The following TAS2R8 variants were observed in gnomAD, a reference collection of about 807,000 sequenced individuals.
The protein encoded by TAS2R8 is taste receptor type 2 member 8.
For missense variants in TAS2R8, 396 were observed against 358.1 expected (o/e 1.11, Z -0.85); for synonymous variants, 139 against 123.9 (o/e 1.12, Z -0.81).
In TAS2R8 at chr12:10,806,154, A is replaced by C. The variant is rs765852372; in HGVS notation, c.827T>G (p.Leu276Arg). ...AVEFGEIAAI[L>R]YPLGHSLILI... ...AATAAGTGAGTGACCCAAGGGGTAGAGAATTGCTGCAATCTCTCCAAACTC... is the reference window on the plus strand; with the variant it reads ...AATAAGTGAGTGACCCAAGGGGTAGCGAATTGCTGCAATCTCTCCAAACTC... Residue 276 changes from leucine to arginine, a missense_variant, in exon 1 of 1, where the codon CTC (leucine) becomes CGC (arginine). Physicochemically the swap from Leu to Arg is moderately radical, Grantham distance 102. Coordinates refer to ENST00000240615, the MANE Select transcript of TAS2R8 (RefSeq NM_023918.3). The C allele has an allele frequency of 1.2e-6, 2 of 1,613,574 alleles. No individual in the cohort carries two copies. The highest frequency in any genetic ancestry group is 2.2e-5 in the South Asian group (2 of 91,034).
In TAS2R8 at chr12:10,806,847, T is replaced by C; in HGVS notation, c.134A>G (p.Asp45Gly). The change falls in exon 1 of 1, where the codon GAC becomes GGC. Residue 45 changes from aspartate (D) to glycine (G), a missense_variant. Physicochemically the swap from Asp to Gly is moderately conservative, Grantham distance 94. Coordinates refer to ENST00000240615, the MANE Select transcript of TAS2R8 (RefSeq NM_023918.3). Reference sequence around the variant, plus strand: ...GATAACTAAATTGGTAAGGATGTAGTCAACTGTGGAAATCTTTTTCTTCTT... The same window carrying C: ...GATAACTAAATTGGTAAGGATGTAGCCAACTGTGGAAATCTTTTTCTTCTT... ...WIKKKKISTV[D>G]YILTNLVIAR... 1 of 1,613,816 alleles carries C rather than the reference T, an allele frequency of 6.2e-7. No homozygotes were observed. Among genetic ancestry groups the C allele is most frequent in the Non-Finnish European group, 8.5e-7 (1 of 1,179,870 alleles).
Position 10,807,081 on chromosome 12 carries a change from T to A in TAS2R8, c.-101A>T. ...TAGATCAATTCTTCGAATCATGCAA[T>A]AATGTTTTCATCTGCTGTTATTTCG... On this transcript the variant is annotated 5_prime_UTR_variant, in exon 1 of 1. Transcript: ENST00000240615. 2.0e-6 allele frequency: 2 copies of A among 978,378 alleles called. No individual in the cohort carries two copies. Among genetic ancestry groups the A allele is most frequent in the Non-Finnish European group, 3.0e-6 (2 of 663,518 alleles). 60.6% of individuals were successfully genotyped at this position (978,378 alleles called of 1,614,324 possible). A position where few individuals can be genotyped will look rare whatever the true frequency, so the allele number is the denominator to read the frequency against.
rs546704239 is a variant in TAS2R8, at chr12:10,807,123, G to A, written c.-143C>T. On this transcript the variant is annotated 5_prime_UTR_variant, in exon 1 of 1. Coordinates refer to ENST00000240615, the MANE Select transcript of TAS2R8 (RefSeq NM_023918.3). ...GTTATTTCGACGTTGTTATTCTTCC[G>A]GAAGTGTTCAGCTCTCCTCTGAAAT... 2.0e-5 allele frequency: 14 copies of A among 715,672 alleles called. No homozygotes were observed. The highest frequency in any genetic ancestry group is 6.1e-5 in the Admixed American group (2 of 32,874). 44.3% of individuals were successfully genotyped at this position (715,672 alleles called of 1,614,324 possible). A position where few individuals can be genotyped will look rare whatever the true frequency, so the allele number is the denominator to read the frequency against.
rs147209838 is a variant in TAS2R8, at chr12:10,806,611, A to C, written c.370T>G (p.Trp124Gly). 2,172 of 1,613,948 alleles carry C rather than the reference A, an allele frequency of 1.3e-3. 4 individuals are homozygous for C. The highest frequency in any genetic ancestry group is 1.7e-3 in the Non-Finnish European group (2,064 of 1,179,910). Reference sequence around the variant, plus strand: ...CAGTGCACCACCATATCAATTTTCCACTTCAGCCAGAGAAAAAGTGGATGA... The same window carrying C: ...CAGTGCACCACCATATCAATTTTCCCCTTCAGCCAGAGAAAAAGTGGATGA... Reference protein sequence around the residue: ...SSHPLFLWLKWKIDMVVHWIL... With the variant: ...SSHPLFLWLKGKIDMVVHWIL... Residue 124 changes from tryptophan (W) to glycine (G), a missense_variant, in exon 1 of 1, where the codon TGG becomes GGG. By Grantham distance (184) the Trp-to-Gly change is radical. Transcript: ENST00000240615.
chr12:10,806,877 C>A lies in TAS2R8; in HGVS notation c.104G>T (p.Trp35Leu), dbSNP rs764660642. The A allele has an allele frequency of 6.2e-7, 1 of 1,613,294 alleles. No individual in the cohort carries two copies. Among genetic ancestry groups the A allele is most frequent in the Non-Finnish European group, 8.5e-7 (1 of 1,179,822 alleles). ...TGTGGAAATCTTTTTCTTCTTAATC[C>A]AGTCAATCCAGTTGACTAGTGCAAT... ...GYIALVNWID[W>L]IKKKKISTVD... Residue 35 changes from tryptophan to leucine, a missense_variant, in exon 1 of 1, where the codon TGG (tryptophan) becomes TTG (leucine). Physicochemically the swap from Trp to Leu is moderately conservative, Grantham distance 61 (BLOSUM62 -2). Coordinates refer to ENST00000240615, the MANE Select transcript of TAS2R8 (RefSeq NM_023918.3).
In TAS2R8 at chr12:10,806,189, C is replaced by T. The variant is rs1054292291; in HGVS notation, c.792G>A (p.Lys264=). 6.2e-7 allele frequency: 1 copy of T among 1,613,500 alleles called. No homozygotes were observed. Among genetic ancestry groups the T allele is most frequent in the Non-Finnish European group, 8.5e-7 (1 of 1,179,802 alleles). The change falls in exon 1 of 1, where the codon AAG becomes AAA. Residue 264 remains lysine, a synonymous_variant. Transcript: ENST00000240615. ...MTFSYLMTKY[K]LAVEFGEIAA... ...CAATCTCTCCAAACTCCACAGCTAACTTGTATTTTGTCATAAGATAGCTAA... is the reference window on the plus strand; with the variant it reads ...CAATCTCTCCAAACTCCACAGCTAATTTGTATTTTGTCATAAGATAGCTAA...
At chr12:10,806,244 AG>A in the TAS2R8 span, 3 of 1,612,532 alleles carry the variant, frequency 1.9e-6, no homozygotes, top group Non-Finnish European at 2.5e-6. Context: ...AATATAGTAT[AG>A]GAAAAAAAAG....
At position 10,806,913 on chromosome 12, in the gene TAS2R8, C is replaced by T. The variant is rs747324039; in HGVS notation, c.68G>A (p.Gly23Glu). ...GTTGACTAGTGCAATGTATCCATTC[C>T]CCAATATTCCTAGTATGAATTCTCC... Reference protein sequence around the residue: ...ITGEFILGILGNGYIALVNWI... With the variant: ...ITGEFILGILENGYIALVNWI... The change falls in exon 1 of 1, where the codon GGG (glycine) becomes GAG (glutamate). Residue 23 changes from glycine to glutamate, a missense_variant. Coordinates refer to ENST00000240615, the MANE Select transcript of TAS2R8 (RefSeq NM_023918.3). 8.1e-6 allele frequency: 13 copies of T among 1,612,508 alleles called. No homozygotes were observed. The South Asian group carries it at 1.2e-4, about 15-fold the overall frequency.
rs1189719952 is a variant in TAS2R8 at position 10,806,431 on chromosome 12, T to C, written c.550A>G (p.Thr184Ala). ...ACAATTGCAAACAGGTTAAAGAGAGTCAAGGGTTCAAAGTATGGTATTTTA... is the reference window on the plus strand; with the variant it reads ...ACAATTGCAAACAGGTTAAAGAGAGCCAAGGGTTCAAAGTATGGTATTTTA... Reference protein sequence around the residue: ...VSKIPYFEPLTLFNLFAIVPF... With the variant: ...VSKIPYFEPLALFNLFAIVPF... Residue 184 changes from threonine (T) to alanine (A), a missense_variant, in exon 1 of 1, where the codon ACT becomes GCT. By Grantham distance (58) the Thr-to-Ala change is moderately conservative (BLOSUM62 0). Transcript: ENST00000240615. 1.2e-5 allele frequency: 19 copies of C among 1,613,524 alleles called. No homozygotes were observed. The highest frequency in any genetic ancestry group is 1.6e-5 in the Non-Finnish European group (19 of 1,179,790).
At position 10,806,199 on chromosome 12, in the gene TAS2R8, G is replaced by C. The variant is rs752581088; in HGVS notation, c.782C>G (p.Thr261Arg). The change falls in exon 1 of 1, where the codon ACA becomes AGA. Residue 261 changes from threonine (T) to arginine (R), a missense_variant. Physicochemically the swap from Thr to Arg is moderately conservative, Grantham distance 71. Transcript: ENST00000240615. ...AAACTCCACAGCTAACTTGTATTTT[G>C]TCATAAGATAGCTAAAGGTCATCAA... ...SILMTFSYLM[T>R]KYKLAVEFGE... 4.3e-6 allele frequency: 7 copies of C among 1,613,486 alleles called. No individual in the cohort carries two copies. Among genetic ancestry groups the C allele is most frequent in the Non-Finnish European group, 5.9e-6 (7 of 1,179,754 alleles).
chr12:10,806,178 T>C lies in TAS2R8; in HGVS notation c.803A>G (p.Glu268Gly). The change falls in exon 1 of 1, where the codon GAG (glutamate) becomes GGG (glycine). Residue 268 changes from glutamate to glycine, a missense_variant. Coordinates refer to ENST00000240615, the MANE Select transcript of TAS2R8 (RefSeq NM_023918.3). Reference protein sequence around the residue: ...YLMTKYKLAVEFGEIAAILYP... With the variant: ...YLMTKYKLAVGFGEIAAILYP... ...GAGAATTGCTGCAATCTCTCCAAAC[T>C]CCACAGCTAACTTGTATTTTGTCAT... The C allele has an allele frequency of 6.2e-7, 1 of 1,613,466 alleles. No homozygotes were observed. Among genetic ancestry groups the C allele is most frequent in the Non-Finnish European group, 8.5e-7 (1 of 1,179,766 alleles).
rs766284025 is a variant in TAS2R8, at chr12:10,806,460, A to T, written c.521T>A (p.Val174Glu). 1.2e-6 allele frequency: 2 copies of T among 1,613,692 alleles called. No homozygotes were observed. Among genetic ancestry groups the T allele is most frequent in the East Asian group, 2.2e-5 (1 of 44,860 alleles). Residue 174 changes from valine (V) to glutamate (E), a missense_variant, in exon 1 of 1, where the codon GTG becomes GAG. By Grantham distance (121) the Val-to-Glu change is moderately radical. Transcript: ENST00000240615. Reference protein sequence around the residue: ...HKRNITEMFHVSKIPYFEPLT... With the variant: ...HKRNITEMFHESKIPYFEPLT... ...GGGTTCAAAGTATGGTATTTTACTC[A>T]CATGGAACATTTCAGTAATGTTTCT... is the stretch of plus-strand genomic sequence containing the variant.
In TAS2R8 at chr12:10,806,532, A is replaced by G. The variant is rs1313909549; in HGVS notation, c.449T>C (p.Ile150Thr). 2 of 1,613,892 alleles carry G rather than the reference A, an allele frequency of 1.2e-6. No individual in the cohort carries two copies. Among genetic ancestry groups the G allele is most frequent in the Admixed American group, 1.7e-5 (1 of 59,934 alleles). Reference protein sequence around the residue: ...ISLLVSLIAAIVLSCDYRFHA... With the variant: ...ISLLVSLIAATVLSCDYRFHA... ...AAACCTATAATCACAACTCAGTACTATTGCTGCTATAAGGCTGACCAACAA... is the reference window on the plus strand; with the variant it reads ...AAACCTATAATCACAACTCAGTACTGTTGCTGCTATAAGGCTGACCAACAA... The change falls in exon 1 of 1, where the codon ATA (isoleucine) becomes ACA (threonine). Residue 150 changes from isoleucine to threonine, a missense_variant. Coordinates refer to ENST00000240615, the MANE Select transcript of TAS2R8 (RefSeq NM_023918.3).
rs1433810931 is a variant in TAS2R8, at chr12:10,806,704, T to C, written c.277A>G (p.Asn93Asp). 1 of 1,614,002 alleles carries C rather than the reference T, an allele frequency of 6.2e-7. No individual in the cohort carries two copies. The highest frequency in any genetic ancestry group is 2.2e-5 in the East Asian group (1 of 44,860). ...GTGGTAATCCACATATTTAAGTAGT[T>C]GGCAAATGTCCAGAAGGTAAAAATG... Reference protein sequence around the residue: ...IVIFTFWTFANYLNMWITTCL... With the variant: ...IVIFTFWTFADYLNMWITTCL... Residue 93 changes from asparagine to aspartate, a missense_variant, in exon 1 of 1, where the codon AAC (asparagine) becomes GAC (aspartate). Coordinates refer to ENST00000240615, the MANE Select transcript of TAS2R8 (RefSeq NM_023918.3).
chr12:10,806,238 T>G lies in TAS2R8; in HGVS notation c.743A>C (p.Tyr248Ser). ...TSFIFFFFLY[Y>S]ISSILMTFSY... ...AAAGGTCATCAAAATAGAAGAAATA[T>G]AGTATAGGAAAAAAAAGAAGATAAA... The change falls in exon 1 of 1, where the codon TAT becomes TCT. Residue 248 changes from tyrosine to serine, a missense_variant. Physicochemically the swap from Tyr to Ser is moderately radical, Grantham distance 144. Coordinates refer to ENST00000240615, the MANE Select transcript of TAS2R8 (RefSeq NM_023918.3). The G allele has an allele frequency of 1.9e-6, 3 of 1,612,954 alleles. No individual in the cohort carries two copies. In the Admixed American group the frequency reaches 5.0e-5, roughly 27 times the overall value.
chr12:10,806,912 C>A lies in TAS2R8; in HGVS notation c.69G>T (p.Gly23=), dbSNP rs773312504. ...ITGEFILGIL[G]NGYIALVNWI... is the part of the protein sequence containing the mutation. ...AGTTGACTAGTGCAATGTATCCATT[C>A]CCCAATATTCCTAGTATGAATTCTC... is the stretch of plus-strand genomic sequence containing the variant. The change falls in exon 1 of 1, where the codon GGG becomes GGT. Residue 23 remains glycine, a synonymous_variant. Coordinates refer to ENST00000240615, the MANE Select transcript of TAS2R8 (RefSeq NM_023918.3). 8 of 1,612,422 alleles carry A rather than the reference C, an allele frequency of 5.0e-6. No homozygotes were observed. The highest frequency in any genetic ancestry group is 4.4e-5 in the South Asian group (4 of 91,002).
Position 10,806,777 on chromosome 12 carries a change from T to C in TAS2R8, c.204A>G (p.Val68=), listed in dbSNP as rs1948728631. The C allele has an allele frequency of 1.9e-6, 3 of 1,613,830 alleles. No individual in the cohort carries two copies. Among genetic ancestry groups the C allele is most frequent in the Non-Finnish European group, 2.5e-6 (3 of 1,179,914 alleles). Residue 68 remains valine (V), a synonymous_variant, in exon 1 of 1, where the codon GTA becomes GTG. Transcript: ENST00000240615. ...TATAAACATCTGGGTTCAGTACTAT[T>C]ACAATGCCATTTACAACCATTACAC... ...LISVMVVNGI[V]IVLNPDVYTK...
Position 10,807,109 on chromosome 12 carries a change from G to A in TAS2R8, c.-129C>T, listed in dbSNP as rs747553092. 2.3e-5 allele frequency: 18 copies of A among 782,326 alleles called. No homozygotes were observed. Among genetic ancestry groups the A allele is most frequent in the African/African-American group, 2.3e-4 (13 of 57,124 alleles). The allele number at this position is 782,326 out of a possible 1,614,324, so 48.5% of individuals were successfully genotyped here. On this transcript the variant is annotated 5_prime_UTR_variant, in exon 1 of 1. In the 5' UTR this introduces an upstream ATG that the reference lacks. Transcript: ENST00000240615. ...TGTTTTCATCTGCTGTTATTTCGACGTTGTTATTCTTCCGGAAGTGTTCAG... is the reference window on the plus strand; with the variant it reads ...TGTTTTCATCTGCTGTTATTTCGACATTGTTATTCTTCCGGAAGTGTTCAG...
rs1309483976 is a variant in TAS2R8, at chr12:10,806,748, T to G, written c.233A>C (p.Lys78Thr). ...AAAAATGACTATCTGTTGTTTATTT[T>G]TTGTATAAACATCTGGGTTCAGTAC... is the stretch of plus-strand genomic sequence containing the variant. ...VIVLNPDVYT[K>T]NKQQIVIFTF... The change falls in exon 1 of 1, where the codon AAA (lysine) becomes ACA (threonine). Residue 78 changes from lysine (K) to threonine (T), a missense_variant. Physicochemically the swap from Lys to Thr is moderately conservative, Grantham distance 78. Coordinates refer to ENST00000240615, the MANE Select transcript of TAS2R8 (RefSeq NM_023918.3). 6.2e-7 allele frequency: 1 copy of G among 1,613,880 alleles called. No homozygotes were observed. Among genetic ancestry groups the G allele is most frequent in the South Asian group, 1.1e-5 (1 of 91,060 alleles).
Sources: gnomAD v4.1 joint callset for allele counts on GRCh38, gnomAD v4.1.1 for gene constraint, MANE v1.5 for transcripts, NCBI Gene and HGNC (gene_info 2026-07-23, HGNC 2026-07-21) for gene names.